The following CCDC150 variants were observed in gnomAD, a reference collection of about 807,000 sequenced individuals.
CCDC150 encodes the protein coiled-coil domain-containing protein 150.
A neutral mutation model predicts 156.5 loss-of-function variants in CCDC150; 151 were observed. That is an observed-to-expected ratio of 0.97 (90% CI 0.85 to 1.10). CCDC150 has a LOEUF of 1.10. CCDC150 is among the 50% of genes least tolerant of loss of function. CCDC150 has a pLI of 0.00. For synonymous variants in CCDC150, 452 were observed against 429.4 expected (o/e 1.05, Z -0.65); for missense variants, 1,312 against 1,268.1 (o/e 1.03, Z -0.53).
chr2:196,642,511 G>A (rs1039803813), intron 1 of CCDC150, among the ~76,000 whole-genome samples: 60 of 152,142 alleles, frequency 3.9e-4, no homozygotes, highest in African/African-American at 1.4e-3. Context: ...TAATTTACTG[G>A]ATTGAAAGTT....
At chr2:196,672,097 T>C (rs1694236913) in intron 8 of CCDC150, among the ~76,000 whole-genome samples, 1 of 152,204 alleles carries the variant, frequency 6.6e-6, no homozygotes, top group African/African-American at 2.4e-5. Flanking sequence ...GCCATTGTAA[T>C]AGGTGTGTAG....
rs565718373 is a variant in CCDC150, at chr2:196,713,212, T to C, written c.1866+473T>C. On this transcript the variant is annotated intron_variant, in intron 17 of 27. Coordinates refer to ENST00000389175, the MANE Select transcript of CCDC150 (RefSeq NM_001080539.2). The stretch of plus-strand genomic sequence containing the variant: ...ATATTTTACAGTGTGATCTCTTCAC[T>C]CTGAAAGCAGAGAAACACATTTTCA... 125 of 1,208,670 alleles carry C rather than the reference T, an allele frequency of 1.0e-4. No homozygotes were observed. The South Asian group carries it at 2.7e-3, about 26-fold the overall frequency. 74.9% of individuals were successfully genotyped at this position (1,208,670 alleles called of 1,614,324 possible).
chr2:196,726,288 G>C (rs538792461), intron 22 of CCDC150, 189 bp downstream of exon 22: 6 of 533,448 alleles, frequency 1.1e-5, no homozygotes, highest in Non-Finnish European at 1.9e-5. Context: ...TTCTCTGCCC[G>C]ACAAAGGTGT....
intron 15 of CCDC150, among the ~76,000 whole-genome samples, chr2:196,705,234 G>A (rs113838120): frequency 0.013 from 1,988 of 152,200 alleles, 41 homozygotes; most frequent in African/African-American, 0.043. Flanking sequence ...TGACTTTTTA[G>A]TGATCCCCCT....
At chr2:196,665,257 T>C (rs1172883913) in intron 5 of CCDC150, among the ~76,000 whole-genome samples, 1 of 152,182 alleles carries the variant, frequency 6.6e-6, no homozygotes, top group Non-Finnish European at 1.5e-5. Context: ...CACTCTGATA[T>C]TTTCTTTCTA....
At chr2:196,704,253 T>C (rs1395323467) in intron 15 of CCDC150, among the ~76,000 whole-genome samples, 1 of 152,244 alleles carries the variant, frequency 6.6e-6, no homozygotes, top group Non-Finnish European at 1.5e-5. Context: ...CTGCCTCATG[T>C]TCAAACATGG....
chr2:196,713,458 A>G, intron 17 of CCDC150: 1 of 1,550,866 alleles, frequency 6.4e-7, no homozygotes, highest in Non-Finnish European at 8.7e-7. Context: ...GAACGTCATC[A>G]GTTGGTTTGC....
At chr2:196,665,460 C>G (rs2125595873) in intron 5 of CCDC150, 107 bp from the exon 6 acceptor site, 2 of 553,858 alleles carry the variant, frequency 3.6e-6, no homozygotes, top group Admixed American at 3.5e-5. Context: ...TGAATTAAGA[C>G]TGTTTGGGGG....
chr2:196,720,632 C>T lies in CCDC150; in HGVS notation c.2223C>T (p.Ala741=), dbSNP rs1332121775. 3.1e-6 allele frequency: 5 copies of T among 1,613,710 alleles called. No individual in the cohort carries two copies. In the African/African-American group the frequency reaches 5.3e-5, roughly 17 times the overall value. Residue 741 remains alanine, a synonymous_variant, in exon 20 of 28, where the codon GCC becomes GCT. Coordinates refer to ENST00000389175, the MANE Select transcript of CCDC150 (RefSeq NM_001080539.2). The stretch of plus-strand genomic sequence containing the variant: ...AAGCTGAAGTGGACCAGTGGCAGGC[C>T]AGGATGCTTGTCATGGAGGACCAGC... ...KLEAEVDQWQ[A]RMLVMEDQHN...
rs552246137 is a variant in CCDC150, at chr2:196,727,102, T to C, written c.2556+1003T>C. On this transcript the variant is annotated intron_variant, in intron 22 of 27. Coordinates refer to ENST00000389175, the MANE Select transcript of CCDC150 (RefSeq NM_001080539.2). ...AAACAATTAAGTCAGAAAGCCCATT[T>C]TAATAGAAAAAAAATCAAACAGGCC... The C allele has an allele frequency of 2.0e-5, 3 of 152,234 alleles. No individual in the cohort carries two copies. The South Asian group carries it at 6.2e-4, about 32-fold the overall frequency. 9.4% of individuals were successfully genotyped at this position (152,234 alleles called of 1,614,324 possible).
intron 22 of CCDC150, chr2:196,726,697 AC>A (rs1698226726): frequency 6.5e-6 from 1 of 152,860 alleles, no homozygotes; most frequent in African/African-American, 2.4e-5. Context: ...AGGGCTGGAC[AC>A]CTTATGAAAC....
At chr2:196,704,660 C>G (rs1696476018) in intron 15 of CCDC150, among the ~76,000 whole-genome samples, 1 of 152,070 alleles carries the variant, frequency 6.6e-6, no homozygotes, top group Non-Finnish European at 1.5e-5. Flanking sequence ...ATTAACTCAT[C>G]ATTTACATTA....
chr2:196,660,286 T>C (rs1693485482), intron 5 of CCDC150, among the ~76,000 whole-genome samples: 1 of 152,212 alleles, frequency 6.6e-6, no homozygotes, highest in African/African-American at 2.4e-5. Flanking sequence ...GTGCAGGTTC[T>C]TACATAGACA....
chr2:196,679,928 T>A (rs929763938), intron 13 of CCDC150, among the ~76,000 whole-genome samples: 6 of 152,194 alleles, frequency 3.9e-5, no homozygotes, highest in African/African-American at 1.4e-4. Context: ...ATCAAATCTT[T>A]TAACCATTTT....
At chr2:196,715,954 CAT>C (rs1697469539) in intron 17 of CCDC150, among the ~76,000 whole-genome samples, 1 of 152,144 alleles carries the variant, frequency 6.6e-6, no homozygotes, top group Admixed American at 6.5e-5. Flanking sequence ...TTGCAAATCA[CAT>C]ATCTGATTAA....
chr2:196,713,531 A>C (rs1559267746), intron 17 of CCDC150: 1 of 1,550,564 alleles, frequency 6.4e-7, no homozygotes, highest in Non-Finnish European at 8.7e-7. Flanking sequence ...TTCTATGAAA[A>C]CATCTCAGGA....
intron 13 of CCDC150, among the ~76,000 whole-genome samples, chr2:196,685,780 T>A (rs190333120): frequency 8.0e-4 from 122 of 151,878 alleles, no homozygotes; most frequent in Middle Eastern, 3.4e-3. Context: ...CCTGGCTAAT[T>A]TTTTTTGTAT....
intron 13 of CCDC150, among the ~76,000 whole-genome samples, chr2:196,685,484 A>T (rs1695068430): frequency 6.6e-6 from 1 of 152,180 alleles, no homozygotes; most frequent in Admixed American, 6.5e-5. Context: ...GTGTGTTTAA[A>T]CTAGAAGAAA....
chr2:196,695,434 T>C (rs1351805356), intron 14 of CCDC150, among the ~76,000 whole-genome samples: 2 of 152,208 alleles, frequency 1.3e-5, no homozygotes, highest in Non-Finnish European at 2.9e-5. Context: ...AGCAAGAAAC[T>C]TGTATTTTTT....
Sources: gnomAD v4.1 joint callset for allele counts (sites outside exome capture counted in the v4.1 genomes callset) on GRCh38, gnomAD v4.1.1 for gene constraint, MANE v1.5 for transcripts, NCBI Gene and HGNC (gene_info 2026-07-23, HGNC 2026-07-21) for gene names.